The following MAMLD1 variants were observed in gnomAD, a reference collection of about 807,000 sequenced individuals.
The protein encoded by MAMLD1 is mastermind like domain containing 1, also known as mastermind-like domain-containing protein 1.
MAMLD1 carries 14 observed loss-of-function variants against 45.0 expected under a neutral mutation model. That is an observed-to-expected ratio of 0.31 (90% CI 0.21 to 0.49). The LOEUF is 0.49. Among genes scored for constraint, MAMLD1 ranks in the 20% least tolerant of loss-of-function variants. MAMLD1 has a pLI of 0.99. For synonymous variants in MAMLD1, 254 were observed against 247.8 expected (o/e 1.02, Z -0.24); for missense variants, 543 against 603.6 (o/e 0.90, Z 1.05).
At chrX:150,468,792 T>C (rs1373953070) in intron 3 of MAMLD1, among the ~76,000 whole-genome samples, 3 of 111,634 alleles carry the variant, frequency 2.7e-5, no homozygotes, top group African/African-American at 9.8e-5. Flanking sequence ...AGAGGAAAAT[T>C]TCTTATTTAG....
intron 1 of MAMLD1, among the ~76,000 whole-genome samples, chrX:150,373,281 G>A (rs781842128): frequency 9.0e-6 from 1 of 111,654 alleles, no homozygotes; most frequent in East Asian, 2.8e-4. Flanking sequence ...TGGGAGGCCC[G>A]TTCCCCATTC....
At chrX:150,396,047 A>G (rs2033401715) in intron 1 of MAMLD1, among the ~76,000 whole-genome samples, 1 of 106,461 alleles carries the variant, frequency 9.4e-6, no homozygotes, top group African/African-American at 3.4e-5. Flanking sequence ...CAATGGTGCG[A>G]TCATAGCTCA....
At chrX:150,445,327 G>A (rs1476848091) in intron 1 of MAMLD1, 127 bp from the exon 2 acceptor site, 11 of 445,433 alleles carry the variant, frequency 2.5e-5, no homozygotes, top group Non-Finnish European at 4.0e-5. Flanking sequence ...GGTGGTGGGT[G>A]GGAGGAAGGG....
intron 1 of MAMLD1, among the ~76,000 whole-genome samples, chrX:150,403,996 G>GAAAGAAAGAAAGAA (rs1244362021): frequency 8.4e-4 from 62 of 73,931 alleles, no homozygotes; most frequent in African/African-American, 2.9e-3. Context: ...AAGAAAGAAA[G>GAAAGAAAGAAAGAA]AAGAAAGGAA....
At chrX:150,456,549 T>A (rs2035873256) in intron 2 of MAMLD1, among the ~76,000 whole-genome samples, 1 of 111,159 alleles carries the variant, frequency 9.0e-6, no homozygotes, top group Non-Finnish European at 1.9e-5. Context: ...TTTAGCCTAC[T>A]GTGAGTGCTT....
intron 1 of MAMLD1, among the ~76,000 whole-genome samples, chrX:150,385,487 C>T (rs189939758): frequency 1.2e-4 from 14 of 112,133 alleles, no homozygotes; most frequent in Admixed American, 5.7e-4. Context: ...GTATTATATA[C>T]TGTGTTCTTA....
chrX:150,478,796 G>A (rs1217313032), intron 5 of MAMLD1, among the ~76,000 whole-genome samples: 1 of 112,604 alleles, frequency 8.9e-6, no homozygotes, highest in African/African-American at 3.2e-5. Context: ...ATTTAAACAT[G>A]ATGGTACATA....
chrX:150,434,645 T>C (rs1159868083), intron 1 of MAMLD1, among the ~76,000 whole-genome samples: 1 of 112,461 alleles, frequency 8.9e-6, no homozygotes, highest in Admixed American at 9.4e-5. Context: ...AATTTGTTGA[T>C]TTCTCCCTTA....
At position 150,512,211 on chromosome X, in the gene MAMLD1, A is replaced by G. The variant is rs1557409160; in HGVS notation, c.*252A>G. 1 of 1,128,919 alleles carries G rather than the reference A, an allele frequency of 8.9e-7. No homozygotes were observed. Among genetic ancestry groups the G allele is most frequent in the Non-Finnish European group, 1.2e-6 (1 of 857,515 alleles). 93.0% of individuals were successfully genotyped at this position (1,128,919 alleles called of 1,213,427 possible). A position where few individuals can be genotyped will look rare whatever the true frequency, so the allele number is the denominator to read the frequency against. ...CAAGGAATTTTCACCTCCAGCCCCC[A>G]GTGTCCCATCCTCTCACACTCAGGC... On this transcript the variant is annotated 3_prime_UTR_variant, in exon 8 of 8. Coordinates refer to ENST00000370401, the MANE Select transcript of MAMLD1 (RefSeq NM_005491.5).
chrX:150,445,716 G>A, intron 2 of MAMLD1, 104 bp downstream of exon 2: 1 of 586,590 alleles, frequency 1.7e-6, no homozygotes, highest in East Asian at 3.6e-5. Context: ...TTGGTGGCAG[G>A]GATCCAACTC....
chrX:150,392,807 G>A (rs782534472), intron 1 of MAMLD1, among the ~76,000 whole-genome samples: 1 of 110,123 alleles, frequency 9.1e-6, no homozygotes, highest in East Asian at 2.8e-4. Context: ...TTTAACAGCA[G>A]CTTTAATATT....
Position 150,377,426 on chromosome X carries a change from G to A in MAMLD1, c.-64+13896G>A, listed in dbSNP as rs1391453762. ...CATGACCTTTAAATCCTTTCTAGAA[G>A]CAATATTTAGTGATGTTTCTGAAAG... On this transcript the variant is annotated intron_variant, in intron 1 of 7. Coordinates refer to ENST00000370401, the MANE Select transcript of MAMLD1 (RefSeq NM_005491.5). Among the ~76,000 whole-genome samples the A allele has an allele frequency of 4.4e-5, 5 of 112,931 alleles. No homozygotes were observed. The Admixed American group carries it at 4.7e-4, about 11-fold the overall frequency.
intron 2 of MAMLD1, among the ~76,000 whole-genome samples, chrX:150,456,423 A>G (rs1329070986): frequency 1.8e-5 from 2 of 111,715 alleles, no homozygotes; most frequent in African/African-American, 6.5e-5. Flanking sequence ...TGAATGAGAA[A>G]GTACACTGTC....
At chrX:150,495,506 C>CA (rs1197495858) in intron 5 of MAMLD1, among the ~76,000 whole-genome samples, 3 of 112,568 alleles carry the variant, frequency 2.7e-5, no homozygotes, top group African/African-American at 9.7e-5. Flanking sequence ...AGCCTGCCTC[C>CA]AGTACCTCCA....
In MAMLD1 at chrX:150,445,568, G is replaced by A. The variant is rs782470142; in HGVS notation, c.52G>A (p.Ala18Thr). ...LVIKSMLPHF[A>T]MVGNRQEPRK... ...AATCAAGAGCATGCTTCCCCATTTC[G>A]CCATGGTGGGAAATCGTCAGGAGCC... Residue 18 changes from alanine to threonine, a missense_variant, in exon 2 of 8, where the codon GCC becomes ACC. Coordinates refer to ENST00000370401, the MANE Select transcript of MAMLD1 (RefSeq NM_005491.5). 9.1e-6 allele frequency: 11 copies of A among 1,208,586 alleles called. No homozygotes were observed. The highest frequency in any genetic ancestry group is 3.5e-5 in the African/African-American group (2 of 56,962).
chrX:150,377,863 A>G, intron 1 of MAMLD1, among the ~76,000 whole-genome samples: 1 of 105,057 alleles, frequency 9.5e-6, no homozygotes, highest in East Asian at 3.0e-4. Context: ...ACACAATTTT[A>G]TTCTGAACTT....
chrX:150,469,603 A>C, intron 3 of MAMLD1, 142 bp from the exon 4 acceptor site: 1 of 456,434 alleles, frequency 2.2e-6, no homozygotes, highest in Non-Finnish European at 3.7e-6. Context: ...CTTTATAAAA[A>C]TTCCTCTCTC....
At chrX:150,495,370 C>T (rs1326526002) in intron 5 of MAMLD1, among the ~76,000 whole-genome samples, 1 of 112,288 alleles carries the variant, frequency 8.9e-6, no homozygotes, top group Non-Finnish European at 1.9e-5. Flanking sequence ...TTCAGCTTCC[C>T]GGGAATGTGT....
At chrX:150,370,553 C>T (rs2031892263) in intron 1 of MAMLD1, among the ~76,000 whole-genome samples, 1 of 111,420 alleles carries the variant, frequency 9.0e-6, no homozygotes, top group African/African-American at 3.3e-5. Flanking sequence ...TATTTACATG[C>T]CAAGATTGGA....
Sources: gnomAD v4.1 joint callset for allele counts (sites outside exome capture counted in the v4.1 genomes callset) on GRCh38, gnomAD v4.1.1 for gene constraint, MANE v1.5 for transcripts, NCBI Gene and HGNC (gene_info 2026-07-23, HGNC 2026-07-21) for gene names.